Variants in PRCD observed in about 807,000 individuals in gnomAD.
The protein encoded by PRCD is photoreceptor disk component PRCD.
PRCD carries 12 observed loss-of-function variants against 10.1 expected under a neutral mutation model. The observed-to-expected ratio is 1.18, with a 90% CI of 0.76 to 1.92. The LOEUF (loss-of-function observed/expected upper bound fraction) is 1.92. PRCD is among the 40% of genes most tolerant of loss of function. The probability of loss-of-function intolerance (pLI) is 0.00; values close to 1 mark genes in which losing one functional copy is unlikely to be tolerated. For synonymous variants in PRCD, 31 were observed against 26.2 expected, an observed-to-expected ratio of 1.18 and a Z score of -0.56; for missense variants, 61 against 72.2, an observed-to-expected ratio of 0.84 and a Z score of 0.56.
downstream of PRCD, among the ~76,000 whole-genome samples, chr17:76,548,547 G>T (rs946089219): frequency 1.3e-5 from 2 of 152,236 alleles, no homozygotes; most frequent in African/African-American, 4.8e-5. Context: ...GCCTGTCCCT[G>T]TGACCTTTAG....
At position 76,540,568 on chromosome 17, in the gene PRCD, A is replaced by C; in HGVS notation, c.138A>C (p.Ser46=). ...GCTTGGATGCGGACCCTCAGTCCTC[A>C]GGCAGGTAAGGCAGGAGTCTGGGCT... ...GSSLDADPQS[S]GREKEPLK The change falls in exon 2 of 5, where the codon TCA becomes TCC. Residue 46 remains serine (S), a synonymous_variant. Coordinates refer to ENST00000592014, the MANE Select transcript of PRCD (RefSeq NM_001077620.3). The surrounding 1 kb of genome is among the most constrained non-coding windows in gnomAD (Gnocchi z 5.0). 6.2e-7 allele frequency: 1 copy of C among 1,613,194 alleles called. No homozygotes were observed.
At chr17:76,539,914 A>G (rs1396313148), upstream of PRCD, 1 of 599,074 alleles carries the variant, frequency 1.7e-6, no homozygotes, top group Non-Finnish European at 3.0e-6. Context: ...GCCACAGTGC[A>G]TGCCTTGACC....
Position 76,540,795 on chromosome 17 carries a change from C to T in PRCD, c.143+222C>T, listed in dbSNP as rs1598212012. Reference sequence around the variant, plus strand: ...TCAGCTCGCTCCTCTGGACCAAAGCCGCTGTGCCTCTCATCTCCAGCACGG... The same window carrying T: ...TCAGCTCGCTCCTCTGGACCAAAGCTGCTGTGCCTCTCATCTCCAGCACGG... On this transcript the variant is annotated intron_variant, in intron 2 of 4. Transcript: ENST00000592014. The surrounding 1 kb of genome is among the most constrained non-coding windows in gnomAD (Gnocchi z 5.0). 6.6e-6 allele frequency among the ~76,000 whole-genome samples: 1 copy of T among 152,232 alleles called. No homozygotes were observed. Among genetic ancestry groups the T allele is most frequent in the Non-Finnish European group, 1.5e-5 (1 of 68,036 alleles).
rs1184460974 is a variant in PRCD at position 76,540,638 on chromosome 17, T to TG, written c.143+70dup. The TG allele has an allele frequency of 1.3e-6, 2 of 1,492,216 alleles. No individual in the cohort carries two copies. Among genetic ancestry groups the TG allele is most frequent in the Non-Finnish European group, 1.9e-6 (2 of 1,073,364 alleles). The allele number at this position is 1,492,216 out of a possible 1,614,324, so 92.4% of individuals were successfully genotyped here. On this transcript the variant is annotated intron_variant, in intron 2 of 4. Transcript: ENST00000592014. This position sits in a 1 kb window ranked among gnomAD's most constrained non-coding sequence, Gnocchi z 5.0. ...CAAGGAAGCTGTGGCTGTGCATGCC[T>TG]GGGGGTGCACGTGTGTGCCTGTGCG...
chr17:76,551,946 G>A (rs1270923971), intron 1 of PRCD: 1 of 152,110 alleles, frequency 6.6e-6, no homozygotes. Flanking sequence ...GCTGTCATGA[G>A]AATCAGATGA....
At chr17:76,534,854 G>A (rs1421092079) in intron 1 of PRCD, among the ~76,000 whole-genome samples, 1 of 152,204 alleles carries the variant, frequency 6.6e-6, no homozygotes, top group African/African-American at 2.4e-5. Flanking sequence ...GACCCTCCAC[G>A]GTTCTGTGGC....
In PRCD at chr17:76,531,741, C is replaced by T. The variant is rs1357773834; in HGVS notation, n.45+3908C>T. On this transcript the variant is annotated intron_variant and non_coding_transcript_variant, in intron 1 of 4. Coordinates refer to the PRCD transcript ENST00000397633. This position sits in a 1 kb window ranked among gnomAD's most constrained non-coding sequence, Gnocchi z 7.4. ...GCTGAAGCTGGAGGCTGCCTCGGGC[C>T]CACCCTGAAGCTTCCAGGATAGTGG... The T allele has an allele frequency of 1.3e-6, 2 of 1,501,652 alleles. No homozygotes were observed. The allele number at this position is 1,501,652 out of a possible 1,614,324, so 93.0% of individuals were successfully genotyped here.
rs1289085689 is a variant in PRCD, at chr17:76,531,945, G to A, written n.45+4112G>A. 1 of 407,050 alleles carries A rather than the reference G, an allele frequency of 2.5e-6. No individual in the cohort carries two copies. Among genetic ancestry groups the A allele is most frequent in the East Asian group, 3.9e-5 (1 of 25,698 alleles). 25.2% of individuals were successfully genotyped at this position (407,050 alleles called of 1,614,324 possible). ...TGGCGGCTTCATCTCCTAGGCCTCTGTCTTCCTCGCTTCTTGCTTCCTTCC... is the reference window on the plus strand; with the variant it reads ...TGGCGGCTTCATCTCCTAGGCCTCTATCTTCCTCGCTTCTTGCTTCCTTCC... On this transcript the variant is annotated intron_variant and non_coding_transcript_variant, in intron 1 of 4. Transcript: ENST00000397633. The surrounding 1 kb of genome is among the most constrained non-coding windows in gnomAD (Gnocchi z 7.4).
At chr17:76,538,451 C>A (rs990123306), upstream of PRCD, 3 of 466,298 alleles carry the variant, frequency 6.4e-6, no homozygotes, top group Non-Finnish European at 1.3e-5. Context: ...GCCCTCGGTG[C>A]ACGAACGCGG....
rs1183309035 is a variant in PRCD at position 76,540,999 on chromosome 17, C to G, written c.143+426C>G. On this transcript the variant is annotated intron_variant, in intron 2 of 4. Coordinates refer to ENST00000592014, the MANE Select transcript of PRCD (RefSeq NM_001077620.3). This position sits in a 1 kb window ranked among gnomAD's most constrained non-coding sequence, Gnocchi z 5.0. The stretch of plus-strand genomic sequence containing the variant: ...TCCAGCAGGATTCGCTGTCCAGTCC[C>G]CAATAGAAGGCGCGGGAGGAGCATG... 2.0e-5 allele frequency among the ~76,000 whole-genome samples: 3 copies of G among 152,212 alleles called. No homozygotes were observed.
upstream of PRCD, among the ~76,000 whole-genome samples, chr17:76,537,091 G>T (rs925865053): frequency 1.3e-5 from 2 of 152,240 alleles, no homozygotes; most frequent in African/African-American, 4.8e-5. Flanking sequence ...GTGTCTGACA[G>T]TTTGGCTGGG....
In PRCD at chr17:76,528,851, A is replaced by G. The variant is rs1436410992; in HGVS notation, n.45+1018A>G. ...TCCGGATCTTTTTCTCTAAAATGTG[A>G]ATAATGTCTGTCTTGTGACATAAAC... On this transcript the variant is annotated intron_variant and non_coding_transcript_variant, in intron 1 of 4. Coordinates refer to the PRCD transcript ENST00000397633. This position sits in a 1 kb window ranked among gnomAD's most constrained non-coding sequence, Gnocchi z 5.8. The G allele has an allele frequency of 8.2e-7, 1 of 1,216,608 alleles. No individual in the cohort carries two copies. Among genetic ancestry groups the G allele is most frequent in the African/African-American group, 1.6e-5 (1 of 64,090 alleles). 75.4% of individuals were successfully genotyped at this position (1,216,608 alleles called of 1,614,324 possible). A position where few individuals can be genotyped will look rare whatever the true frequency, so the allele number is the denominator to read the frequency against.
At chr17:76,532,885 G>A (rs982304382) in intron 1 of PRCD, among the ~76,000 whole-genome samples, 1 of 152,202 alleles carries the variant, frequency 6.6e-6, no homozygotes, top group Non-Finnish European at 1.5e-5. Context: ...GATGTCATGT[G>A]AGACATGGGC....
In PRCD at chr17:76,528,575, G is replaced by A. The variant is rs1482133772; in HGVS notation, n.45+742G>A. 2.3e-6 allele frequency: 3 copies of A among 1,287,042 alleles called. No individual in the cohort carries two copies. The highest frequency in any genetic ancestry group is 6.2e-5 in the South Asian group (2 of 32,184). 79.7% of individuals were successfully genotyped at this position (1,287,042 alleles called of 1,614,324 possible). ...GCCAGGGAGGGGGGTGGAGTTAGGG[G>A]TCCTACGGCCCCGAAGAGGGCAGTG... On this transcript the variant is annotated intron_variant and non_coding_transcript_variant, in intron 1 of 4. Coordinates refer to the PRCD transcript ENST00000397633. The surrounding 1 kb of genome is among the most constrained non-coding windows in gnomAD (Gnocchi z 5.8).
rs754328284 is a variant in PRCD, at chr17:76,542,605, C to T, written c.*31C>T. 8.1e-6 allele frequency: 13 copies of T among 1,613,906 alleles called. No individual in the cohort carries two copies. Among genetic ancestry groups the T allele is most frequent in the Non-Finnish European group, 1.1e-5 (13 of 1,179,744 alleles). ...CACCTCTGCAGGTGGGGCTCAGGCC[C>T]AGAGACTGGGATCAGCTGGCTCAGG... On this transcript the variant is annotated 3_prime_UTR_variant, in exon 3 of 5. Coordinates refer to ENST00000592014, the MANE Select transcript of PRCD (RefSeq NM_001077620.3).
chr17:76,531,273 C>A lies in PRCD; in HGVS notation n.45+3440C>A, dbSNP rs78826089. On this transcript the variant is annotated intron_variant and non_coding_transcript_variant, in intron 1 of 4. Coordinates refer to the PRCD transcript ENST00000397633. The surrounding 1 kb of genome is among the most constrained non-coding windows in gnomAD (Gnocchi z 7.4). ...AACAGTCTGGCAGCTTTGGGAACCC[C>A]GTGCTCTCAGGACAAGGGTTGCCCT... is the stretch of plus-strand genomic sequence containing the variant. 4.0e-3 allele frequency: 4,905 copies of A among 1,235,936 alleles called. 181 individuals carry two copies. In the African/African-American group the frequency reaches 0.064, roughly 16 times the overall value. 76.6% of individuals were successfully genotyped at this position (1,235,936 alleles called of 1,614,324 possible).
At chr17:76,529,044 G>GCCCCCCCCCCC (rs34648121) in intron 1 of PRCD, 1 of 779,744 alleles carries the variant, frequency 1.3e-6, no homozygotes, top group Admixed American at 8.1e-5. Context: ...CAGTCATTGC[G>GCCCCCCCCCCC]CCCCCCCCCC....
downstream of PRCD, among the ~76,000 whole-genome samples, chr17:76,547,577 AAC>A (rs1437814531): frequency 2.0e-5 from 3 of 152,108 alleles, no homozygotes; most frequent in Admixed American, 6.5e-5. Context: ...AAAATTTACT[AAC>A]AGACTCAGCC....
chr17:76,534,146 T>TTCTCTCTC (rs71158013), intron 1 of PRCD, among the ~76,000 whole-genome samples: 9,283 of 128,862 alleles, frequency 0.072, 471 homozygotes, highest in Non-Finnish European at 0.1. Context: ...CTCTTTCTCT[T>TTCTCTCTC]TCTCTCTCTC....
Sources: gnomAD v4.1 joint callset for allele counts (sites outside exome capture counted in the v4.1 genomes callset) on GRCh38, gnomAD v4.1.1 for gene constraint, Gnocchi (gnomAD v3.1) non-coding constraint, MANE v1.5 for transcripts, NCBI Gene and HGNC (gene_info 2026-07-23, HGNC 2026-07-21) for gene names.